The following CPXM2 variants were observed in gnomAD, a reference collection of about 807,000 sequenced individuals.
CPXM2 encodes inactive carboxypeptidase-like protein X2.
A neutral mutation model predicts 86.1 loss-of-function variants in CPXM2; 66 were observed. The ratio of observed to expected loss-of-function variants is 0.77; its 90% CI spans 0.63 to 0.94. The LOEUF is 0.94. Among genes scored for constraint, CPXM2 ranks in the 40% least tolerant of loss-of-function variants. The pLI is 0.00. For missense variants in CPXM2, 948 were observed against 1,026.3 expected, an observed-to-expected ratio of 0.92 and a Z score of 1.04; for synonymous variants, 388 against 400.2, an observed-to-expected ratio of 0.97 and a Z score of 0.36.
intron 2 of CPXM2, among the ~76,000 whole-genome samples, chr10:123,928,836 T>C (rs1198608975): frequency 1.3e-5 from 2 of 152,246 alleles, no homozygotes; most frequent in African/African-American, 4.8e-5. Flanking sequence ...CCATTCCCAC[T>C]GGCTTCTGTC....
intron 4 of CPXM2, among the ~76,000 whole-genome samples, chr10:123,805,989 T>G (rs1847570884): frequency 6.6e-6 from 1 of 152,238 alleles, no homozygotes. Flanking sequence ...CAATTCCATA[T>G]GTATTTTAAA....
At chr10:123,821,446 G>A (rs180806190) in intron 4 of CPXM2, among the ~76,000 whole-genome samples, 105 of 152,330 alleles carry the variant, frequency 6.9e-4, no homozygotes, top group African/African-American at 2.4e-3. Flanking sequence ...ACAGGTCATA[G>A]GATCGGCCAC....
upstream of CPXM2, among the ~76,000 whole-genome samples, chr10:123,893,778 CTCCAGCAGCAAGCAACACACCCAGCGT>C (rs1266945363): frequency 1.3e-5 from 2 of 152,216 alleles, no homozygotes; most frequent in African/African-American, 2.4e-5. Flanking sequence ...CAGAAAGCGG[CTCCAGCAGCAAGCAACACACCCAGCGT>C]TCCAGCGAGC....
intron 6 of CPXM2, among the ~76,000 whole-genome samples, chr10:123,796,098 G>A (rs1257839522): frequency 6.6e-6 from 1 of 152,172 alleles, no homozygotes; most frequent in African/African-American, 2.4e-5. Flanking sequence ...AGAGCCCAGC[G>A]GGTCCAGGAT....
At chr10:123,911,458 A>G (rs995666410) in intron 2 of CPXM2, among the ~76,000 whole-genome samples, 1 of 151,860 alleles carries the variant, frequency 6.6e-6, no homozygotes, top group African/African-American at 2.4e-5. Context: ...AGTGATGGAG[A>G]TGAGAACTAG....
intron 6 of CPXM2, among the ~76,000 whole-genome samples, chr10:123,788,892 AAAG>A (rs1415030631): frequency 1.3e-5 from 2 of 151,308 alleles, no homozygotes; most frequent in African/African-American, 4.8e-5. Flanking sequence ...AAAAAAAAAA[AAAG>A]AAAGGATCCC....
At chr10:123,841,484 C>G (rs949160505) in intron 4 of CPXM2, among the ~76,000 whole-genome samples, 2 of 152,176 alleles carry the variant, frequency 1.3e-5, no homozygotes, top group Non-Finnish European at 2.9e-5. Context: ...TATACTGAAC[C>G]TCTGTACCTC....
chr10:123,843,191 A>G (rs1310816902), intron 3 of CPXM2: 20 of 407,342 alleles, frequency 4.9e-5, no homozygotes, highest in Non-Finnish European at 9.0e-5. Flanking sequence ...GGTTTAAATG[A>G]CCCTCCCTCC....
intron 4 of CPXM2, among the ~76,000 whole-genome samples, chr10:123,821,101 T>A (rs1366124933): frequency 6.6e-6 from 1 of 152,180 alleles, no homozygotes; most frequent in Non-Finnish European, 1.5e-5. Context: ...TCCTGCCACC[T>A]GGGTCCCAAC....
chr10:123,879,866 A>G (rs1945052046), intron 2 of CPXM2, among the ~76,000 whole-genome samples: 1 of 152,182 alleles, frequency 6.6e-6, no homozygotes, highest in African/African-American at 2.4e-5. Flanking sequence ...TGCACACTGA[A>G]GGCCATGGGC....
upstream of CPXM2, among the ~76,000 whole-genome samples, chr10:123,895,006 TAAACC>T (rs1945323723): frequency 6.6e-6 from 1 of 151,766 alleles, no homozygotes; most frequent in Non-Finnish European, 1.5e-5. Flanking sequence ...CAATCCCAAG[TAAACC>T]TAACCCCTCT....
intron 3 of CPXM2, among the ~76,000 whole-genome samples, chr10:123,855,978 G>T (rs1426360648): frequency 5.3e-5 from 8 of 152,066 alleles, no homozygotes; most frequent in Non-Finnish European, 7.4e-5. Flanking sequence ...TTCTAACATG[G>T]GTGAGACAAG....
chr10:123,756,389 G>C (rs1846212337), intron 12 of CPXM2, among the ~76,000 whole-genome samples: 1 of 152,216 alleles, frequency 6.6e-6, no homozygotes, highest in African/African-American at 2.4e-5. Flanking sequence ...CAAGATGGAT[G>C]TGTCCTTGAC....
upstream of CPXM2, among the ~76,000 whole-genome samples, chr10:123,942,198 TCA>T (rs1329457074): frequency 1.3e-5 from 2 of 152,156 alleles, no homozygotes; most frequent in Admixed American, 6.6e-5. Flanking sequence ...GGATCTATAG[TCA>T]TGCACGGCAT....
intron 6 of CPXM2, among the ~76,000 whole-genome samples, chr10:123,787,706 A>G (rs1847095525): frequency 6.6e-6 from 1 of 152,098 alleles, no homozygotes; most frequent in Non-Finnish European, 1.5e-5. Context: ...ACCTTGACTG[A>G]AATGAGTAGG....
chr10:123,875,926 C>T (rs1040170382), intron 2 of CPXM2, among the ~76,000 whole-genome samples: 2 of 149,072 alleles, frequency 1.3e-5, no homozygotes, highest in South Asian at 2.1e-4. Flanking sequence ...AAGCAATTCT[C>T]CTCTCTCAGC....
intron 6 of CPXM2, among the ~76,000 whole-genome samples, chr10:123,788,631 C>T (rs1847127373): frequency 6.6e-6 from 1 of 152,212 alleles, no homozygotes; most frequent in Non-Finnish European, 1.5e-5. Context: ...ACGCCTCTTC[C>T]CCTAAGCTGG....
intron 2 of CPXM2, among the ~76,000 whole-genome samples, chr10:123,923,948 A>C (rs1945601007): frequency 6.6e-6 from 1 of 152,202 alleles, no homozygotes; most frequent in Non-Finnish European, 1.5e-5. Flanking sequence ...TTTGTAAATC[A>C]CAGTCTCAGG....
chr10:123,773,618 C>A (rs1846709776), intron 7 of CPXM2, among the ~76,000 whole-genome samples: 1 of 152,148 alleles, frequency 6.6e-6, no homozygotes, highest in Middle Eastern at 3.2e-3. Flanking sequence ...CAAATACACA[C>A]CGCTCCTTCC....
Sources: gnomAD v4.1 joint callset for allele counts (sites outside exome capture counted in the v4.1 genomes callset) on GRCh38, gnomAD v4.1.1 for gene constraint, MANE v1.5 for transcripts, NCBI Gene and HGNC (gene_info 2026-07-23, HGNC 2026-07-21) for gene names.